TENM2: variants seen among roughly 807,000 people sequenced by gnomAD.
TENM2 encodes teneurin transmembrane protein 2.
Under a neutral mutation model 245.2 loss-of-function variants are expected in TENM2, and 52 were observed. That is an observed-to-expected ratio of 0.21 (90% confidence interval 0.17 to 0.27). The LOEUF is 0.27. Among genes scored for constraint, TENM2 ranks in the 10% least tolerant of loss-of-function variants. The pLI is 1.00. For synonymous variants in TENM2, 1,363 were observed against 1,438.9 expected (o/e 0.95, Z 1.19); for missense variants, 3,046 against 3,666.8 (o/e 0.83, Z 4.37).
At chr5:167,153,298 A>G in the TENM2 span, among the ~76,000 whole-genome samples, 3 of 152,134 alleles carry the variant, frequency 2.0e-5, no homozygotes, top group Admixed American at 2.0e-4. Context: ...CATGTTATAT[A>G]TATTATATAC....
chr5:167,782,310 TCTCAAAAAAAA>T (rs1425089246), intron 2 of TENM2, among the ~76,000 whole-genome samples: 1 of 78,134 alleles, frequency 1.3e-5, no homozygotes, highest in African/African-American at 6.9e-5. Context: ...CAAAACTCTG[TCTCAAAAAAAA>T]AAAAAAAAAA....
intron 2 of TENM2, among the ~76,000 whole-genome samples, chr5:167,794,971 G>A (rs1045886670): frequency 2.0e-5 from 3 of 152,122 alleles, no homozygotes; most frequent in Non-Finnish European, 2.9e-5. Flanking sequence ...GAACTCACTG[G>A]ATTATTTTTA....
At chr5:167,820,582 G>C (rs1767439098) in intron 2 of TENM2, among the ~76,000 whole-genome samples, 1 of 152,196 alleles carries the variant, frequency 6.6e-6, no homozygotes, top group South Asian at 2.1e-4. Context: ...AATCTGGTGT[G>C]GCCTGGATGG....
intron 7 of TENM2, among the ~76,000 whole-genome samples, chr5:168,068,725 C>T (rs540972179): frequency 2.0e-5 from 3 of 152,258 alleles, no homozygotes; most frequent in African/African-American, 7.2e-5. Flanking sequence ...ATCCCCCAAT[C>T]TCCAACATAC....
At chr5:167,174,421 G>C in the TENM2 span, among the ~76,000 whole-genome samples, 1 of 151,996 alleles carries the variant, frequency 6.6e-6, no homozygotes, top group Admixed American at 6.6e-5. Context: ...TTGCTGTTTT[G>C]ACATAGTATT....
chr5:167,541,437 T>G (rs2127604853), intron 2 of TENM2, among the ~76,000 whole-genome samples: 1 of 152,256 alleles, frequency 6.6e-6, no homozygotes, highest in East Asian at 1.9e-4. Flanking sequence ...TGAGGTGTTT[T>G]TTGAGAGAGA....
chr5:167,987,174 C>T lies in TENM2; in HGVS notation c.948-5770C>T, dbSNP rs575592516. ...GACTTCATGAAACTTCACCTAAAGA[C>T]GCCCACATCCAAAGCTTACATTAAA... On this transcript the variant is annotated intron_variant, in intron 4 of 28. Coordinates refer to ENST00000518659, the Ensembl canonical transcript of TENM2. 1.0e-3 allele frequency among the ~76,000 whole-genome samples: 159 copies of T among 152,056 alleles called. 1 individual carries two copies. Among genetic ancestry groups the T allele is most frequent in the African/African-American group, 3.0e-3 (125 of 41,490 alleles).
chr5:168,165,615 G>T, intron 13 of TENM2, among the ~76,000 whole-genome samples: 1 of 126,302 alleles, frequency 7.9e-6, no homozygotes, highest in Admixed American at 9.8e-5. Flanking sequence ...CCTAAGGGTT[G>T]CCCACCAGGC....
chr5:167,414,149 T>C (rs963069639), intron 2 of TENM2, among the ~76,000 whole-genome samples: 1 of 152,126 alleles, frequency 6.6e-6, no homozygotes, highest in Non-Finnish European at 1.5e-5. Flanking sequence ...TCATTTTCTC[T>C]TTTAACAGAG....
chr5:168,137,785 G>T (rs778282261), intron 12 of TENM2, among the ~76,000 whole-genome samples: 3 of 152,194 alleles, frequency 2.0e-5, no homozygotes, highest in Non-Finnish European at 4.4e-5. Context: ...CCTTAAGCAT[G>T]TTACTGTCAA....
chr5:167,585,793 T>C (rs1483510750), intron 2 of TENM2, among the ~76,000 whole-genome samples: 1 of 152,138 alleles, frequency 6.6e-6, no homozygotes, highest in Non-Finnish European at 1.5e-5. Context: ...CCTTTATGGA[T>C]TCAACCAACC....
At chr5:167,868,275 G>T (rs1772504170) in intron 2 of TENM2, among the ~76,000 whole-genome samples, 1 of 152,120 alleles carries the variant, frequency 6.6e-6, no homozygotes, top group Non-Finnish European at 1.5e-5. Flanking sequence ...GAGCAGGATT[G>T]CCCCAGTGGA....
the TENM2 span, among the ~76,000 whole-genome samples, chr5:167,041,447 G>T: frequency 6.6e-6 from 1 of 152,260 alleles, no homozygotes; most frequent in Non-Finnish European, 1.5e-5. Context: ...TGCATATGTT[G>T]ATTCCCTTGA....
At chr5:168,004,517 G>GCGCGCACACACA (rs898616203) in intron 5 of TENM2, among the ~76,000 whole-genome samples, 98 of 132,212 alleles carry the variant, frequency 7.4e-4, no homozygotes, top group African/African-American at 1.8e-3. Flanking sequence ...GCGCGCGCGC[G>GCGCGCACACACA]CACACACACA....
chr5:167,531,170 T>TA (rs1162861161), intron 2 of TENM2, among the ~76,000 whole-genome samples: 2 of 152,192 alleles, frequency 1.3e-5, no homozygotes, highest in Non-Finnish European at 2.9e-5. Context: ...ATTCCCCCCT[T>TA]ATACCTCTCA....
At chr5:168,263,447 TA>T (rs1768390355), downstream of TENM2, 1 of 151,546 alleles carries the variant, frequency 6.6e-6, no homozygotes, top group East Asian at 2.0e-4. Context: ...GGAGGGGGGA[TA>T]AAAGAGGAGG....
At chr5:168,003,899 G>A (rs948430698) in intron 5 of TENM2, among the ~76,000 whole-genome samples, 6 of 152,166 alleles carry the variant, frequency 3.9e-5, no homozygotes, top group Non-Finnish European at 5.9e-5. Flanking sequence ...GGAGGGCCTC[G>A]AGAAACAACT....
At chr5:167,875,041 G>A (rs984215243) in intron 2 of TENM2, among the ~76,000 whole-genome samples, 1 of 152,062 alleles carries the variant, frequency 6.6e-6, no homozygotes, top group African/African-American at 2.4e-5. Context: ...CCTTATTTTT[G>A]GTCATTCATT....
chr5:167,394,797 A>G (rs750755305), intron 2 of TENM2, among the ~76,000 whole-genome samples: 2 of 151,920 alleles, frequency 1.3e-5, no homozygotes, highest in African/African-American at 2.4e-5. Context: ...GGGTTTCACC[A>G]TGTTGCCCAG....
Sources: gnomAD v4.1 joint callset for allele counts (sites outside exome capture counted in the v4.1 genomes callset) on GRCh38, gnomAD v4.1.1 for gene constraint, MANE v1.5 for transcripts, NCBI Gene and HGNC (gene_info 2026-07-23, HGNC 2026-07-21) for gene names.